KHDRBS2: variants seen among roughly 807,000 people sequenced by gnomAD.
The protein encoded by KHDRBS2 is KH domain-containing, RNA-binding, signal transduction-associated protein 2.
A neutral mutation model predicts 44.3 loss-of-function variants in KHDRBS2; 26 were observed. The observed-to-expected ratio is 0.59, with a 90% confidence interval of 0.43 to 0.81. The LOEUF is 0.81. Ranked by LOEUF, KHDRBS2 falls within the 40% of genes least tolerant of loss-of-function variation. The probability of loss-of-function intolerance (pLI) is 0.00; values close to 1 mark genes in which losing one functional copy is unlikely to be tolerated. For missense variants in KHDRBS2, 476 were observed against 433.1 expected, an observed-to-expected ratio of 1.10 and a Z score of -0.88; for synonymous variants, 194 against 151.1, an observed-to-expected ratio of 1.28 and a Z score of -2.08.
At chr6:61,806,156 T>C (rs1787123837) in intron 6 of KHDRBS2, among the ~76,000 whole-genome samples, 1 of 152,186 alleles carries the variant, frequency 6.6e-6, no homozygotes, top group South Asian at 2.1e-4. Context: ...TACATTCTCC[T>C]TTTTCTTAAA....
chr6:62,285,234 A>T (rs1051756267), intron 1 of KHDRBS2, among the ~76,000 whole-genome samples: 4 of 152,218 alleles, frequency 2.6e-5, no homozygotes, highest in African/African-American at 9.6e-5. Flanking sequence ...TTGGTAAAAC[A>T]GTTGATCAAT....
At chr6:61,558,916 A>T in the KHDRBS2 span, among the ~76,000 whole-genome samples, 1 of 152,122 alleles carries the variant, frequency 6.6e-6, no homozygotes. Flanking sequence ...AACGTTTTGT[A>T]AATATCTATT....
chr6:61,922,193 CA>C (rs1333679255), intron 4 of KHDRBS2, among the ~76,000 whole-genome samples: 1 of 151,794 alleles, frequency 6.6e-6, no homozygotes, highest in Non-Finnish European at 1.5e-5. Flanking sequence ...CCCTCTGAGT[CA>C]AGCAAAAAAG....
At chr6:61,825,616 G>A (rs1790724480) in intron 6 of KHDRBS2, among the ~76,000 whole-genome samples, 3 of 152,114 alleles carry the variant, frequency 2.0e-5, no homozygotes, top group Non-Finnish European at 4.4e-5. Flanking sequence ...TTGATCTGTT[G>A]ACATAGTTAC....
chr6:61,774,927 A>G lies in KHDRBS2; in HGVS notation c.811-42163T>C, dbSNP rs373801705. ...AGCAAACTGAATCCAGCAGCACATC[A>G]AAAGGCTCATCCACCATGATCAAGT... On this transcript the variant is annotated intron_variant, in intron 6 of 8. Transcript: ENST00000281156. Among the ~76,000 whole-genome samples the G allele has an allele frequency of 2.2e-3, 342 of 152,314 alleles. 2 individuals are homozygous for G. The highest frequency in any genetic ancestry group is 8.0e-3 in the African/African-American group (333 of 41,568).
intron 6 of KHDRBS2, among the ~76,000 whole-genome samples, chr6:61,878,019 T>A (rs959273609): frequency 1.3e-5 from 2 of 152,016 alleles, no homozygotes; most frequent in African/African-American, 4.8e-5. Flanking sequence ...ATCTAAAATG[T>A]CTTATGTAAT....
intron 3 of KHDRBS2, among the ~76,000 whole-genome samples, chr6:61,981,467 GTT>G (rs370739713): frequency 6.7e-6 from 1 of 149,554 alleles, no homozygotes; most frequent in Non-Finnish European, 1.5e-5. Flanking sequence ...AAAAAACTGA[GTT>G]TTTTTTTAAT....
At chr6:62,179,579 T>G (rs1821841905) in intron 1 of KHDRBS2, among the ~76,000 whole-genome samples, 1 of 151,816 alleles carries the variant, frequency 6.6e-6, no homozygotes, top group East Asian at 1.9e-4. Context: ...ACTTTGTAGC[T>G]TGCTGAGGTA....
chr6:61,625,574 C>T, the KHDRBS2 span, among the ~76,000 whole-genome samples: 7 of 152,112 alleles, frequency 4.6e-5, no homozygotes, highest in Admixed American at 3.3e-4. Context: ...TAGGGCCAGG[C>T]AATTCCTGCC....
chr6:61,816,086 A>T (rs895235896), intron 6 of KHDRBS2, among the ~76,000 whole-genome samples: 1 of 152,122 alleles, frequency 6.6e-6, no homozygotes, highest in African/African-American at 2.4e-5. Context: ...TTAGACTTCT[A>T]TTTGTTAAAA....
rs143429044 is a variant in KHDRBS2, at chr6:61,810,115, G to A, written c.811-77351C>T. On this transcript the variant is annotated intron_variant, in intron 6 of 8. Transcript: ENST00000281156. ...CTTTGAGGTACAGCATTCTCCATCCGTACCTTGGTTTCTCAGTGTGACTGT... is the reference window on the plus strand; with the variant it reads ...CTTTGAGGTACAGCATTCTCCATCCATACCTTGGTTTCTCAGTGTGACTGT... Among the ~76,000 whole-genome samples the A allele has an allele frequency of 1.3e-3, 193 of 152,162 alleles. 1 individual carries two copies. The highest frequency in any genetic ancestry group is 4.4e-3 in the African/African-American group (184 of 41,520).
chr6:62,003,521 T>C (rs1778655734), intron 3 of KHDRBS2, among the ~76,000 whole-genome samples: 1 of 151,890 alleles, frequency 6.6e-6, no homozygotes, highest in South Asian at 2.1e-4. Context: ...ATAAAGCAAG[T>C]CCTTAGAGAC....
intron 2 of KHDRBS2, among the ~76,000 whole-genome samples, chr6:62,107,968 T>A (rs1391344501): frequency 6.6e-6 from 1 of 152,086 alleles, no homozygotes; most frequent in African/African-American, 2.4e-5. Context: ...GACTTAAACG[T>A]TAGACCTAAA....
At chr6:61,845,434 C>T (rs145342603) in intron 6 of KHDRBS2, among the ~76,000 whole-genome samples, 5 of 152,020 alleles carry the variant, frequency 3.3e-5, no homozygotes, top group East Asian at 1.9e-4. Flanking sequence ...CTCAGCCTCC[C>T]GAGTAGCTGG....
At chr6:62,124,664 C>A (rs1808523291) in intron 2 of KHDRBS2, among the ~76,000 whole-genome samples, 1 of 151,076 alleles carries the variant, frequency 6.6e-6, no homozygotes, top group South Asian at 2.1e-4. Flanking sequence ...AGGTTGATTC[C>A]ATTTCTTTGC....
At chr6:62,095,835 TATG>T (rs1381240142) in intron 2 of KHDRBS2, among the ~76,000 whole-genome samples, 4 of 151,972 alleles carry the variant, frequency 2.6e-5, no homozygotes, top group Admixed American at 6.6e-5. Flanking sequence ...CCCTGTTGGC[TATG>T]ATGTTAGCTG....
intron 6 of KHDRBS2, among the ~76,000 whole-genome samples, chr6:61,873,212 A>G (rs1465300701): frequency 6.6e-6 from 1 of 152,076 alleles, no homozygotes; most frequent in Non-Finnish European, 1.5e-5. Flanking sequence ...ACATCACAAA[A>G]GAGAGTGAAA....
the KHDRBS2 span, among the ~76,000 whole-genome samples, chr6:61,558,664 C>T: frequency 6.6e-6 from 1 of 152,272 alleles, no homozygotes; most frequent in African/African-American, 2.4e-5. Context: ...TCCTTAATTT[C>T]TTCCTTGACC....
At position 61,702,048 on chromosome 6, in the gene KHDRBS2, AT is replaced by A. The variant is rs768329953; in HGVS notation, c.894-4796del. Among the ~76,000 whole-genome samples the A allele has an allele frequency of 5.7e-3, 856 of 149,140 alleles. 8 individuals are homozygous for A. The highest frequency in any genetic ancestry group is 0.018 in the African/African-American group (737 of 40,778). Reference sequence around the variant, plus strand: ...TTTCTTTGTTGGGAAGAAAGTAGGTATTTTTTTTTTAACAGAAAGAAAGATA... The same window carrying A: ...TTTCTTTGTTGGGAAGAAAGTAGGTATTTTTTTTTAACAGAAAGAAAGATA... On this transcript the variant is annotated intron_variant, in intron 7 of 8. Coordinates refer to ENST00000281156, the MANE Select transcript of KHDRBS2 (RefSeq NM_152688.4).
Sources: allele counts gnomAD v4.1 joint callset (sites outside exome capture counted in the v4.1 genomes callset), GRCh38; gene constraint gnomAD v4.1.1; transcripts MANE v1.5; gene names NCBI Gene and HGNC (gene_info 2026-07-23, HGNC 2026-07-21).